NDE1: variants seen among roughly 807,000 people sequenced by gnomAD.
The protein encoded by NDE1 is nuclear distribution protein nudE homolog 1.
Under a neutral mutation model 43.4 loss-of-function variants are expected in NDE1, and 28 were observed. That is an observed-to-expected ratio of 0.65 (90% CI 0.48 to 0.89). The LOEUF is 0.89. Ranked by LOEUF, NDE1 falls within the 40% of genes least tolerant of loss-of-function variation. The pLI is 0.00. For missense variants in NDE1, 441 were observed against 434.1 expected (o/e 1.02, Z -0.14); for synonymous variants, 184 against 172.0 (o/e 1.07, Z -0.55).
At chr16:15,679,744 C>T (rs2038077396) in intron 4 of NDE1, among the ~76,000 whole-genome samples, 1 of 151,960 alleles carries the variant, frequency 6.6e-6, no homozygotes, top group Admixed American at 6.6e-5. Context: ...AGTGGTGTTT[C>T]CCACGTGGTG....
Position 15,691,407 on chromosome 16 carries a change from T to G in NDE1, c.703+84T>G. The G allele has an allele frequency of 2.0e-6, 3 of 1,468,608 alleles. No homozygotes were observed. The South Asian group carries it at 3.6e-5, about 18-fold the overall frequency. 91.0% of individuals were successfully genotyped at this position (1,468,608 alleles called of 1,614,324 possible). On this transcript the variant is annotated intron_variant, in intron 6 of 8. Transcript: ENST00000396354. ...TCTGGGGTGGGTCCTGGGGGTGTGA[T>G]GATTTGCATCAGGCTCAGAGCCTGA...
intron 1 of NDE1, among the ~76,000 whole-genome samples, chr16:15,662,249 T>G (rs1290274356): frequency 6.6e-6 from 1 of 151,692 alleles, no homozygotes; most frequent in Non-Finnish European, 1.5e-5. Context: ...TATTCTCACT[T>G]TCTAATTCAG....
At position 15,721,643 on chromosome 16, in the gene NDE1, C is replaced by G. The variant is rs780605828; in HGVS notation, c.948-2548C>G. On this transcript the variant is annotated intron_variant, in intron 8 of 8. Transcript: ENST00000396354. Reference sequence around the variant, plus strand: ...TTCTCCTCGGCTAACAACTACAACACAAGACCCAGAGGTGACTTCTAGGCA... The same window carrying G: ...TTCTCCTCGGCTAACAACTACAACAGAAGACCCAGAGGTGACTTCTAGGCA... 18 of 1,614,170 alleles carry G rather than the reference C, an allele frequency of 1.1e-5. No homozygotes were observed. The highest frequency in any genetic ancestry group is 1.4e-5 in the Non-Finnish European group (16 of 1,180,016).
intron 8 of NDE1, among the ~76,000 whole-genome samples, chr16:15,711,836 G>C (rs1010572716): frequency 6.6e-6 from 1 of 152,120 alleles, no homozygotes; most frequent in Non-Finnish European, 1.5e-5. Context: ...GGGATTACAG[G>C]CACGCCCCAC....
chr16:15,711,953 A>G (rs1254354043), intron 8 of NDE1, among the ~76,000 whole-genome samples: 2 of 152,180 alleles, frequency 1.3e-5, no homozygotes, highest in African/African-American at 4.8e-5. Flanking sequence ...TTGGCCTCCC[A>G]AAGTGCTGGG....
chr16:15,677,143 C>T (rs1017873023), intron 3 of NDE1, among the ~76,000 whole-genome samples: 2 of 152,158 alleles, frequency 1.3e-5, no homozygotes, highest in Non-Finnish European at 2.9e-5. Context: ...CCTGTTCCCA[C>T]CACGTTACAT....
intron 8 of NDE1, chr16:15,719,175 C>T (rs2040332321): frequency 1.3e-6 from 2 of 1,560,352 alleles, no homozygotes; most frequent in Admixed American, 1.7e-5. Flanking sequence ...TGCCTGTCCC[C>T]CCATCCTCTG....
chr16:15,715,028 T>C, intron 8 of NDE1: 2 of 1,613,730 alleles, frequency 1.2e-6, no homozygotes, highest in East Asian at 2.2e-5. Context: ...ACTCCTCCTC[T>C]GCCTCCTCCA....
chr16:15,687,052 G>A, intron 4 of NDE1: 1 of 1,219,444 alleles, frequency 8.2e-7, no homozygotes, highest in Non-Finnish European at 1.0e-6. Context: ...AGAAGATGGA[G>A]CATAGTGGTC....
chr16:15,665,330 A>G (rs1053710615), intron 2 of NDE1, among the ~76,000 whole-genome samples: 27 of 152,236 alleles, frequency 1.8e-4, no homozygotes, highest in Non-Finnish European at 2.9e-5. Flanking sequence ...CAGTGAAGGC[A>G]GATAACTTGC....
At chr16:15,701,869 T>G (rs1738163386) in intron 8 of NDE1, 1 of 152,210 alleles carries the variant, frequency 6.6e-6, no homozygotes, top group African/African-American at 2.4e-5. Context: ...CCACAGAAGA[T>G]GTCCTTTTAT....
chr16:15,677,124 T>C (rs900195619), intron 3 of NDE1, among the ~76,000 whole-genome samples: 1 of 152,222 alleles, frequency 6.6e-6, no homozygotes, highest in Admixed American at 6.5e-5. Flanking sequence ...CTGCTTTGAA[T>C]GACACCTGCC....
chr16:15,694,119 T>C (rs961580143), intron 6 of NDE1, 46 bp from the exon 7 acceptor site: 60 of 1,606,528 alleles, frequency 3.7e-5, no homozygotes, highest in Non-Finnish European at 5.1e-5. Context: ...CGCACAGACA[T>C]GACTATAGGT....
At chr16:15,694,610 A>C in intron 7 of NDE1, 17 of 985,028 alleles carry the variant, frequency 1.7e-5, no homozygotes, top group Non-Finnish European at 2.0e-5. Context: ...GGCCTCCCAA[A>C]GTTCTGGGAT....
chr16:15,709,112 T>C (rs2039635771), intron 8 of NDE1, among the ~76,000 whole-genome samples: 1 of 151,318 alleles, frequency 6.6e-6, no homozygotes, highest in Non-Finnish European at 1.5e-5. Context: ...TGGCTAATTT[T>C]TGTATTTTTA....
chr16:15,706,143 G>T (rs1025415815), intron 8 of NDE1, among the ~76,000 whole-genome samples: 2 of 152,112 alleles, frequency 1.3e-5, no homozygotes, highest in Non-Finnish European at 2.9e-5. Context: ...CAGCGATCAG[G>T]AATAAATACT....
intron 3 of NDE1, among the ~76,000 whole-genome samples, chr16:15,674,379 G>A (rs1185960362): frequency 6.6e-6 from 1 of 152,036 alleles, no homozygotes; most frequent in East Asian, 1.9e-4. Context: ...GAGTGGCTGG[G>A]ATTATAGACA....
At position 15,724,228 on chromosome 16, in the gene NDE1, A is replaced by G. The variant is rs1185402501; in HGVS notation, c.985A>G (p.Thr329Ala). 2 of 1,614,184 alleles carry G rather than the reference A, an allele frequency of 1.2e-6. No homozygotes were observed. Residue 329 changes from threonine to alanine, a missense_variant, in exon 9 of 9, where the codon ACC becomes GCC. Coordinates refer to ENST00000396354, the MANE Select transcript of NDE1 (RefSeq NM_017668.3). Reference sequence around the variant, plus strand: ...TTGCCGCTGGTTGTCCAAATCAACAACCAGGTCGTCCAGCTCCTGCTGAAG... The same window carrying G: ...TTGCCGCTGGTTGTCCAAATCAACAGCCAGGTCGTCCAGCTCCTGCTGAAG... ...TSCRWLSKST[T>A]RSSSSC is the part of the protein sequence containing the mutation.
chr16:15,654,125 A>C (rs1177430179), intron 1 of NDE1, among the ~76,000 whole-genome samples: 5 of 152,218 alleles, frequency 3.3e-5, no homozygotes, highest in African/African-American at 9.6e-5. Flanking sequence ...TCCTTGCATG[A>C]TCCCATCAGA....
Sources: gnomAD v4.1 joint callset for allele counts (sites outside exome capture counted in the v4.1 genomes callset) on GRCh38, gnomAD v4.1.1 for gene constraint, MANE v1.5 for transcripts, NCBI Gene and HGNC (gene_info 2026-07-23, HGNC 2026-07-21) for gene names.